RFX2: variants seen among roughly 807,000 people sequenced by gnomAD.
The protein encoded by RFX2 is regulatory factor X2, also known as DNA-binding protein RFX2.
Under a neutral mutation model 87.8 loss-of-function variants are expected in RFX2, and 20 were observed. That is an observed-to-expected ratio of 0.23 (90% confidence interval 0.16 to 0.33). The LOEUF (loss-of-function observed/expected upper bound fraction) is 0.33, where lower values mean the gene tolerates loss of function less well. RFX2 is among the 10% of genes least tolerant of loss of function. The pLI is 1.00. For synonymous variants in RFX2, 397 were observed against 431.3 expected (o/e 0.92, Z 0.98); for missense variants, 767 against 1,012.3 (o/e 0.76, Z 3.29).
intron 5 of RFX2, among the ~76,000 whole-genome samples, chr19:6,030,648 T>C (rs1599867237): frequency 6.6e-6 from 1 of 152,112 alleles, no homozygotes; most frequent in Admixed American, 6.6e-5. Flanking sequence ...CCTTTCAGGG[T>C]GATGACGATA....
At chr19:6,108,588 C>A (rs2088256930) in intron 1 of RFX2, among the ~76,000 whole-genome samples, 1 of 152,094 alleles carries the variant, frequency 6.6e-6, no homozygotes, top group South Asian at 2.1e-4. Context: ...AGAGATGAAG[C>A]TGACTGAGAG....
intron 5 of RFX2, among the ~76,000 whole-genome samples, chr19:6,038,202 C>T (rs984544123): frequency 2.6e-5 from 4 of 151,694 alleles, no homozygotes; most frequent in Admixed American, 6.6e-5. Context: ...TGGTACACAC[C>T]TGTAATTCCA....
intron 1 of RFX2, among the ~76,000 whole-genome samples, chr19:6,066,204 C>T (rs1290260398): frequency 2.6e-5 from 4 of 152,068 alleles, no homozygotes; most frequent in Non-Finnish European, 4.4e-5. Flanking sequence ...TGGGAACGTG[C>T]GACCTCTCTT....
chr19:6,002,766 G>GTTGA lies in RFX2; in HGVS notation c.1601_1604dup (p.Met537ProfsTer152). On this transcript the variant is annotated frameshift_variant, in exon 14 of 18. Transcript: ENST00000303657. LOFTEE classifies it high-confidence loss of function. This position sits in a 1 kb window ranked among gnomAD's most constrained non-coding sequence, Gnocchi z 6.7. The stretch of plus-strand genomic sequence containing the variant: ...CGCGGTTGAGGTCGCTGAGCATCTG[G>GTTGA]TTGATCTGGGACGTGTTCTGCAGCA... 6.2e-7 allele frequency: 1 copy of GTTGA among 1,614,016 alleles called. No homozygotes were observed. Among genetic ancestry groups the GTTGA allele is most frequent in the Non-Finnish European group, 8.5e-7 (1 of 1,179,958 alleles).
In RFX2 at chr19:5,993,271, T is replaced by G. The variant is rs1032562001; in HGVS notation, c.*1564A>C. On this transcript the variant is annotated 3_prime_UTR_variant, in exon 18 of 18. Coordinates refer to ENST00000303657, the MANE Select transcript of RFX2 (RefSeq NM_000635.4). ...CTCCAAGGAGAGGAGATGTATATTT[T>G]AAAGACATTCTTTCTGTCTGATTTC... is the stretch of plus-strand genomic sequence containing the variant. The G allele has an allele frequency of 2.0e-5, 3 of 152,248 alleles. No individual in the cohort carries two copies. Among genetic ancestry groups the G allele is most frequent in the African/African-American group, 7.2e-5 (3 of 41,468 alleles). 9.4% of individuals were successfully genotyped at this position (152,248 alleles called of 1,614,324 possible).
rs1028188654 is a variant in RFX2, at chr19:5,997,379, C to T, written c.1860-166G>A. 5.0e-5 allele frequency: 39 copies of T among 776,116 alleles called. No homozygotes were observed. The highest frequency in any genetic ancestry group is 5.7e-5 in the East Asian group (2 of 34,902). 48.1% of individuals were successfully genotyped at this position (776,116 alleles called of 1,614,324 possible). On this transcript the variant is annotated intron_variant, in intron 15 of 17. Coordinates refer to ENST00000303657, the MANE Select transcript of RFX2 (RefSeq NM_000635.4). The surrounding 1 kb of genome is among the most constrained non-coding windows in gnomAD (Gnocchi z 4.2). ...GCCTACGCGGGGGCTGACGGGCTGC[C>T]GAGACCCTGGGCCCACGTGACGGAC...
chr19:6,016,653 A>G lies in RFX2; in HGVS notation c.598-382T>C, dbSNP rs608145. ...TGATCCGCCTGCCTCAGCCTCCCAAAGTGCTGGGATTACAGGCGTGAGCCA... is the reference window on the plus strand; with the variant it reads ...TGATCCGCCTGCCTCAGCCTCCCAAGGTGCTGGGATTACAGGCGTGAGCCA... On this transcript the variant is annotated intron_variant, in intron 6 of 17. Transcript: ENST00000303657. The surrounding 1 kb of genome is among the most constrained non-coding windows in gnomAD (Gnocchi z 5.4). 0.19 allele frequency among the ~76,000 whole-genome samples: 28,480 copies of G among 152,190 alleles called. 8,076 individuals carry two copies. The highest frequency in any genetic ancestry group is 0.61 in the African/African-American group (25,495 of 41,474).
At chr19:5,995,280 C>T (rs1024836124) in intron 17 of RFX2, among the ~76,000 whole-genome samples, 1 of 152,116 alleles carries the variant, frequency 6.6e-6, no homozygotes, top group African/African-American at 2.4e-5. Flanking sequence ...GCCCGGGGGT[C>T]CCTCTGGCCT....
intron 1 of RFX2, among the ~76,000 whole-genome samples, chr19:6,095,463 G>A (rs12975650): frequency 0.21 from 31,756 of 152,050 alleles, 3,699 homozygotes; most frequent in Middle Eastern, 0.3. Context: ...GACATACACA[G>A]ATAATTCCTT....
chr19:6,004,110 C>T lies in RFX2; in HGVS notation c.1500+91G>A, dbSNP rs967614057. ...TCTCATGACGCAGGGAAGAAGCCAG[C>T]GCTCTCTGGGACACAGTGGTCCTCA... On this transcript the variant is annotated intron_variant, in intron 13 of 17. Coordinates refer to ENST00000303657, the MANE Select transcript of RFX2 (RefSeq NM_000635.4). This position sits in a 1 kb window ranked among gnomAD's most constrained non-coding sequence, Gnocchi z 4.8. 1.1e-4 allele frequency: 107 copies of T among 977,768 alleles called. No homozygotes were observed. Among genetic ancestry groups the T allele is most frequent in the Middle Eastern group, 5.2e-4 (2 of 3,812 alleles). The allele number at this position is 977,768 out of a possible 1,614,324, so 60.6% of individuals were successfully genotyped here. A position where few individuals can be genotyped will look rare whatever the true frequency, so the allele number is the denominator to read the frequency against.
intron 5 of RFX2, among the ~76,000 whole-genome samples, chr19:6,036,378 G>T (rs1234405804): frequency 6.6e-6 from 1 of 152,080 alleles, no homozygotes. Context: ...GGGGCACTAC[G>T]CCTGTCCTCA....
Position 5,998,790 on chromosome 19 carries a change from A to G in RFX2, c.1860-1577T>C, listed in dbSNP as rs1265986909. ...TCTCTGGGTTCCCAAATGGGCTCGC[A>G]GCTCCCAGAGAGTAGGAGCATCGGC... On this transcript the variant is annotated intron_variant, in intron 15 of 17. Coordinates refer to ENST00000303657, the MANE Select transcript of RFX2 (RefSeq NM_000635.4). The surrounding 1 kb of genome is among the most constrained non-coding windows in gnomAD (Gnocchi z 4.2). Among the ~76,000 whole-genome samples the G allele has an allele frequency of 6.6e-6, 1 of 152,204 alleles. No homozygotes were observed. Among genetic ancestry groups the G allele is most frequent in the Admixed American group, 6.5e-5 (1 of 15,282 alleles).
chr19:6,020,415 TG>T lies in RFX2; in HGVS notation c.598-4145del, dbSNP rs2144721152. 1 of 152,300 alleles carries T rather than the reference TG, an allele frequency of 6.6e-6. No individual in the cohort carries two copies. The highest frequency in any genetic ancestry group is 1.9e-4 in the East Asian group (1 of 5,186). 9.4% of individuals were successfully genotyped at this position (152,300 alleles called of 1,614,324 possible). A position where few individuals can be genotyped will look rare whatever the true frequency, so the allele number is the denominator to read the frequency against. ...AAACCACAGAGAAGACTGAAGCGGC[TG>T]GAACAGTCGCGTCTATTTCCTCCCT... On this transcript the variant is annotated intron_variant, in intron 6 of 17. Coordinates refer to ENST00000303657, the MANE Select transcript of RFX2 (RefSeq NM_000635.4). The surrounding 1 kb of genome is among the most constrained non-coding windows in gnomAD (Gnocchi z 5.3).
rs1248003412 is a variant in RFX2 at position 5,999,132 on chromosome 19, T to G, written c.1860-1919A>C. ...TCAGCCAGGCCTGGTGGTGGGCACC[T>G]GTAATCCCAGCTATTCAGGAGGCTG... On this transcript the variant is annotated intron_variant, in intron 15 of 17. Transcript: ENST00000303657. This position sits in a 1 kb window ranked among gnomAD's most constrained non-coding sequence, Gnocchi z 4.1. 1.3e-5 allele frequency among the ~76,000 whole-genome samples: 2 copies of G among 152,110 alleles called. No homozygotes were observed. Among genetic ancestry groups the G allele is most frequent in the Non-Finnish European group, 2.9e-5 (2 of 68,026 alleles).
intron 2 of RFX2, among the ~76,000 whole-genome samples, chr19:6,046,587 C>A (rs77063334): frequency 0.033 from 4,651 of 141,438 alleles, 221 homozygotes; most frequent in African/African-American, 0.098. Flanking sequence ...AATTCTAACT[C>A]ATCTTTTGCC....
At position 5,997,387 on chromosome 19, in the gene RFX2, T is replaced by A; in HGVS notation, c.1860-174A>T. On this transcript the variant is annotated intron_variant, in intron 15 of 17. Transcript: ENST00000303657. The surrounding 1 kb of genome is among the most constrained non-coding windows in gnomAD (Gnocchi z 4.2). ...GGGGGCTGACGGGCTGCCGAGACCC[T>A]GGGCCCACGTGACGGACAGGTGGGG... The A allele has an allele frequency of 1.4e-6, 1 of 700,152 alleles. No homozygotes were observed. Among genetic ancestry groups the A allele is most frequent in the Non-Finnish European group, 2.3e-6 (1 of 442,076 alleles). 43.4% of individuals were successfully genotyped at this position (700,152 alleles called of 1,614,324 possible). A position where few individuals can be genotyped will look rare whatever the true frequency, so the allele number is the denominator to read the frequency against.
chr19:5,995,487 C>T, intron 17 of RFX2, 114 bp downstream of exon 17: 5 of 1,098,018 alleles, frequency 4.6e-6, no homozygotes, highest in South Asian at 1.4e-5. Flanking sequence ...CCCTCACCCC[C>T]CAAGGGGCTG....
At chr19:6,071,222 C>T (rs1218421234) in intron 1 of RFX2, among the ~76,000 whole-genome samples, 1 of 152,174 alleles carries the variant, frequency 6.6e-6, no homozygotes, top group Non-Finnish European at 1.5e-5. Flanking sequence ...TCGAATTATG[C>T]AAGATTGCAA....
At chr19:6,073,932 C>T (rs1430000761) in intron 1 of RFX2, among the ~76,000 whole-genome samples, 5 of 152,182 alleles carry the variant, frequency 3.3e-5, no homozygotes, top group East Asian at 1.9e-4. Flanking sequence ...CACCCAGACC[C>T]TCCTCTCCAG....
Sources: gnomAD v4.1 joint callset for allele counts (sites outside exome capture counted in the v4.1 genomes callset) on GRCh38, gnomAD v4.1.1 for gene constraint, Gnocchi (gnomAD v3.1) non-coding constraint, MANE v1.5 for transcripts, NCBI Gene and HGNC (gene_info 2026-07-23, HGNC 2026-07-21) for gene names.